Variants in CCSER1 observed in about 807,000 individuals in gnomAD.
CCSER1 encodes serine-rich coiled-coil domain-containing protein 1.
A neutral mutation model predicts 82.0 loss-of-function variants in CCSER1; 41 were observed. The ratio of observed to expected loss-of-function variants is 0.50; its 90% CI spans 0.39 to 0.65. The LOEUF (loss-of-function observed/expected upper bound fraction) is 0.65. CCSER1 is among the 30% of genes least tolerant of loss of function. The pLI is 0.00. For missense variants in CCSER1, 1,119 were observed against 1,064.2 expected (o/e 1.05, Z -0.72); for synonymous variants, 414 against 383.9 (o/e 1.08, Z -0.92).
At chr4:90,586,929 G>A (rs1418753213) in intron 5 of CCSER1, among the ~76,000 whole-genome samples, 2 of 152,132 alleles carry the variant, frequency 1.3e-5, no homozygotes, top group Non-Finnish European at 2.9e-5. Context: ...TTGCAGATGC[G>A]ATTAATTTAA....
chr4:90,251,765 G>A (rs966080951), intron 1 of CCSER1, among the ~76,000 whole-genome samples: 1 of 151,618 alleles, frequency 6.6e-6, no homozygotes, highest in African/African-American at 2.4e-5. Flanking sequence ...TTTCTTCTAA[G>A]TTATGATCTG....
chr4:91,107,637 CTCTT>C (rs1387124828), intron 10 of CCSER1, among the ~76,000 whole-genome samples: 2 of 117,646 alleles, frequency 1.7e-5, no homozygotes, highest in East Asian at 3.8e-4. Context: ...TTTTCTTTTT[CTCTT>C]TTTTTTTTTT....
intron 4 of CCSER1, among the ~76,000 whole-genome samples, chr4:90,458,731 T>C (rs1762500736): frequency 6.6e-6 from 1 of 152,206 alleles, no homozygotes. Context: ...AAACCTTCTA[T>C]GTGAACTACT....
At chr4:90,546,537 G>A (rs1257761519) in intron 5 of CCSER1, among the ~76,000 whole-genome samples, 1 of 152,072 alleles carries the variant, frequency 6.6e-6, no homozygotes, top group African/African-American at 2.4e-5. Context: ...GCATTAGTAT[G>A]CTAATGGTGT....
chr4:90,278,685 G>A (rs945100703), intron 1 of CCSER1, among the ~76,000 whole-genome samples: 1 of 151,838 alleles, frequency 6.6e-6, no homozygotes, highest in Admixed American at 6.6e-5. Flanking sequence ...AAAAAGGGGG[G>A]ATGGAAGGGG....
At chr4:90,979,678 A>G (rs532166359) in intron 9 of CCSER1, among the ~76,000 whole-genome samples, 86 of 151,808 alleles carry the variant, frequency 5.7e-4, no homozygotes, top group African/African-American at 1.9e-3. Context: ...AACTTGTGTC[A>G]CTTCTGATAG....
intron 9 of CCSER1, among the ~76,000 whole-genome samples, chr4:90,935,126 T>G (rs550926582): frequency 4.2e-4 from 64 of 152,134 alleles, no homozygotes; most frequent in Non-Finnish European, 8.2e-4. Context: ...TCTTAATTAC[T>G]GAATCTAGGT....
At position 91,382,447 on chromosome 4, in the gene CCSER1, G is replaced by A. The variant is rs535040580; in HGVS notation, c.2218-216125G>A. Among the ~76,000 whole-genome samples, 157 of 152,284 alleles carry A rather than the reference G, an allele frequency of 1.0e-3. 1 individual carries two copies. Among genetic ancestry groups the A allele is most frequent in the Admixed American group, 1.7e-3 (26 of 15,294 alleles). On this transcript the variant is annotated intron_variant, in intron 10 of 10. Coordinates refer to ENST00000509176, the MANE Select transcript of CCSER1 (RefSeq NM_001145065.2). ...CAGCCTCGCTGCTGTCTTGCAGTTC[G>A]ATCTCAGACTACTGTGCTAGCAATG...
chr4:90,326,725 C>G (rs976299884), intron 3 of CCSER1, among the ~76,000 whole-genome samples: 1 of 152,110 alleles, frequency 6.6e-6, no homozygotes, highest in Non-Finnish European at 1.5e-5. Context: ...TATCAGGTTT[C>G]AAGAGAGATA....
At chr4:90,598,796 T>C (rs1333015305) in intron 5 of CCSER1, among the ~76,000 whole-genome samples, 1 of 152,022 alleles carries the variant, frequency 6.6e-6, no homozygotes, top group East Asian at 1.9e-4. Flanking sequence ...GTTCAAGTAG[T>C]CAGGGGACAG....
chr4:90,380,583 G>A (rs1749049427), intron 3 of CCSER1, among the ~76,000 whole-genome samples: 1 of 152,126 alleles, frequency 6.6e-6, no homozygotes, highest in Admixed American at 6.5e-5. Context: ...CTTTGTAAAT[G>A]TACAAGTTAT....
rs759287928 is a variant in CCSER1 at position 91,132,416 on chromosome 4, G to T, written c.2217+46422G>T. ...ATCTAAATTAGGAAATCGACACTGGGATATGCAAGTGCTAATATCACAGCA... is the reference window on the plus strand; with the variant it reads ...ATCTAAATTAGGAAATCGACACTGGTATATGCAAGTGCTAATATCACAGCA... On this transcript the variant is annotated intron_variant, in intron 10 of 10. Transcript: ENST00000509176. Among the ~76,000 whole-genome samples the T allele has an allele frequency of 1.6e-3, 243 of 152,316 alleles. 1 individual carries two copies. Among genetic ancestry groups the T allele is most frequent in the Non-Finnish European group, 2.8e-3 (193 of 68,022 alleles).
intron 1 of CCSER1, among the ~76,000 whole-genome samples, chr4:90,275,162 C>G (rs548234056): frequency 4.6e-5 from 7 of 152,090 alleles, no homozygotes; most frequent in Admixed American, 1.3e-4. Context: ...GTAGCCAGAA[C>G]ATGGTCTCAT....
chr4:91,381,657 C>T (rs935470062), intron 10 of CCSER1, among the ~76,000 whole-genome samples: 23 of 152,168 alleles, frequency 1.5e-4, no homozygotes, highest in African/African-American at 5.5e-4. Flanking sequence ...AATCTTTTTT[C>T]AAGGTTTTTA....
chr4:90,505,332 A>G (rs1770534153), intron 5 of CCSER1, among the ~76,000 whole-genome samples: 1 of 152,164 alleles, frequency 6.6e-6, no homozygotes, highest in African/African-American at 2.4e-5. Flanking sequence ...CCACTTCCCC[A>G]TCTGTCCAAA....
At chr4:91,165,615 A>G (rs1460533629) in intron 10 of CCSER1, among the ~76,000 whole-genome samples, 1 of 152,074 alleles carries the variant, frequency 6.6e-6, no homozygotes, top group Non-Finnish European at 1.5e-5. Context: ...TGCTTTGTTT[A>G]CCTACTCAAG....
chr4:91,379,328 C>A (rs369397055), intron 10 of CCSER1, among the ~76,000 whole-genome samples: 5 of 152,076 alleles, frequency 3.3e-5, no homozygotes, highest in East Asian at 3.9e-4. Flanking sequence ...AAGGAATGGT[C>A]CCAGCTCCTC....
At chr4:90,970,323 C>A (rs898678208) in intron 9 of CCSER1, among the ~76,000 whole-genome samples, 1 of 151,312 alleles carries the variant, frequency 6.6e-6, no homozygotes, top group Non-Finnish European at 1.5e-5. Context: ...TTAGACAAAA[C>A]GAACATCAAG....
At chr4:91,323,306 C>T (rs1746319175) in intron 10 of CCSER1, among the ~76,000 whole-genome samples, 1 of 152,170 alleles carries the variant, frequency 6.6e-6, no homozygotes, top group African/African-American at 2.4e-5. Context: ...ACCCAGAAAG[C>T]TCATTTTAAA....
Sources: allele counts gnomAD v4.1 joint callset (sites outside exome capture counted in the v4.1 genomes callset), GRCh38; gene constraint gnomAD v4.1.1; transcripts MANE v1.5; gene names NCBI Gene and HGNC (gene_info 2026-07-23, HGNC 2026-07-21).